The following EYS variants were observed in gnomAD, a reference collection of about 807,000 sequenced individuals.
EYS encodes the protein protein eyes shut homolog.
EYS carries 250 observed loss-of-function variants against 282.1 expected under a neutral mutation model. The ratio of observed to expected loss-of-function variants is 0.89; its 90% CI spans 0.80 to 0.98. The LOEUF is 0.98. EYS is among the 50% of genes least tolerant of loss of function. The pLI is 0.00. For synonymous variants in EYS, 1,355 were observed against 1,282.9 expected (o/e 1.06, Z -1.20); for missense variants, 4,016 against 3,709.0 (o/e 1.08, Z -2.15).
chr6:65,082,997 C>G (rs898466671), intron 12 of EYS, among the ~76,000 whole-genome samples: 1 of 152,006 alleles, frequency 6.6e-6, no homozygotes, highest in African/African-American at 2.4e-5. Context: ...AAATACTATA[C>G]TATCTTTCAA....
intron 29 of EYS, among the ~76,000 whole-genome samples, chr6:64,349,958 A>G (rs1384186916): frequency 6.6e-6 from 1 of 151,450 alleles, no homozygotes; most frequent in East Asian, 2.0e-4. Flanking sequence ...ATTTCTATTT[A>G]TTTATTTTTT....
intron 13 of EYS, among the ~76,000 whole-genome samples, chr6:65,034,277 G>T (rs554144617): frequency 6.6e-6 from 1 of 152,276 alleles, no homozygotes; most frequent in South Asian, 2.1e-4. Flanking sequence ...TGTACTTTGA[G>T]TTAATGAAAT....
chr6:63,725,045 T>C (rs1561996045), intron 42 of EYS, among the ~76,000 whole-genome samples: 2 of 152,274 alleles, frequency 1.3e-5, no homozygotes, highest in East Asian at 3.8e-4. Context: ...AAAAAATAAG[T>C]TTATGCCTTT....
intron 31 of EYS, among the ~76,000 whole-genome samples, chr6:64,210,181 T>C (rs1255613373): frequency 6.6e-6 from 1 of 152,242 alleles, no homozygotes; most frequent in Non-Finnish European, 1.5e-5. Flanking sequence ...TTCATATCAC[T>C]ATGGAAAATC....
chr6:64,872,156 T>C (rs1221712175), intron 19 of EYS, among the ~76,000 whole-genome samples: 2 of 152,022 alleles, frequency 1.3e-5, no homozygotes, highest in Admixed American at 1.3e-4. Flanking sequence ...AGGGAGAGTG[T>C]ATGTCCCATC....
chr6:64,200,604 C>G (rs541872288), intron 31 of EYS, among the ~76,000 whole-genome samples: 1 of 152,100 alleles, frequency 6.6e-6, no homozygotes, highest in Non-Finnish European at 1.5e-5. Context: ...GTGTCAGACT[C>G]AGAGTTCATT....
At chr6:63,906,229 T>C (rs1191731473) in intron 35 of EYS, among the ~76,000 whole-genome samples, 3 of 152,236 alleles carry the variant, frequency 2.0e-5, no homozygotes, top group African/African-American at 7.2e-5. Flanking sequence ...GCCATAAAGT[T>C]TTAGTAATTC....
At chr6:64,583,422 GCAAA>G (rs201368403) in intron 26 of EYS, among the ~76,000 whole-genome samples, 2,887 of 152,096 alleles carry the variant, frequency 0.019, 203 homozygotes, top group Admixed American at 0.14. Context: ...AAGCAAGCAG[GCAAA>G]CAAACAAACA....
At chr6:65,269,094 G>T (rs1449587581) in intron 12 of EYS, among the ~76,000 whole-genome samples, 1 of 151,784 alleles carries the variant, frequency 6.6e-6, no homozygotes, top group Non-Finnish European at 1.5e-5. Context: ...TTGACTCTAG[G>T]CTCTGTTTGT....
At chr6:65,145,171 T>C (rs915250578) in intron 12 of EYS, among the ~76,000 whole-genome samples, 3 of 152,048 alleles carry the variant, frequency 2.0e-5, no homozygotes, top group Admixed American at 6.6e-5. Context: ...CATTGGAAAA[T>C]TGTTCACAGA....
chr6:64,314,539 C>T (rs1769861031), intron 29 of EYS, among the ~76,000 whole-genome samples: 1 of 152,020 alleles, frequency 6.6e-6, no homozygotes, highest in Non-Finnish European at 1.5e-5. Flanking sequence ...GGAAGTAAAA[C>T]ACTCCTCAGC....
At chr6:65,559,499 A>G (rs1768949791) in intron 2 of EYS, among the ~76,000 whole-genome samples, 2 of 152,010 alleles carry the variant, frequency 1.3e-5, no homozygotes, top group Admixed American at 1.3e-4. Flanking sequence ...CCACATATTC[A>G]CTCCCCAAGA....
chr6:64,083,670 G>A (rs539101319), intron 31 of EYS, among the ~76,000 whole-genome samples: 2 of 152,200 alleles, frequency 1.3e-5, no homozygotes, highest in Non-Finnish European at 1.5e-5. Context: ...TCATGGTAGG[G>A]ATGCCAGATA....
chr6:64,770,705 T>C (rs1419979879), intron 22 of EYS, among the ~76,000 whole-genome samples: 5 of 151,920 alleles, frequency 3.3e-5, no homozygotes, highest in South Asian at 2.1e-4. Context: ...AAATGCATCA[T>C]ATTTCTAGGT....
intron 22 of EYS, among the ~76,000 whole-genome samples, chr6:64,704,301 AT>A (rs1770897187): frequency 7.3e-6 from 1 of 137,206 alleles, no homozygotes; most frequent in South Asian, 2.4e-4. Flanking sequence ...AATACTATAT[AT>A]TTATATGTAT....
intron 2 of EYS, among the ~76,000 whole-genome samples, chr6:65,629,661 C>G (rs1268105328): frequency 1.3e-5 from 2 of 152,028 alleles, no homozygotes; most frequent in Non-Finnish European, 2.9e-5. Flanking sequence ...CTTTAAAAAC[C>G]CTACCCTCAA....
In EYS at chr6:65,622,755, C is replaced by CT. The variant is rs35201653; in HGVS notation, c.-333+17022dup. 9.9e-3 allele frequency among the ~76,000 whole-genome samples: 1,416 copies of CT among 143,104 alleles called. 22 individuals carry two copies. Among genetic ancestry groups the CT allele is most frequent in the African/African-American group, 0.032 (1,217 of 38,438 alleles). The allele number at this position is 143,104 out of a possible 152,430, so 93.9% of individuals were successfully genotyped here. On this transcript the variant is annotated intron_variant, in intron 2 of 42. Coordinates refer to ENST00000503581, the MANE Select transcript of EYS (RefSeq NM_001142800.2). ...CTCTTACTATATAGGAATAATCTTTCTTTTTTTTTTTTTTCTGGTTTTGAA... is the reference window on the plus strand; with the variant it reads ...CTCTTACTATATAGGAATAATCTTTCTTTTTTTTTTTTTTTCTGGTTTTGAA...
intron 5 of EYS, among the ~76,000 whole-genome samples, chr6:65,444,168 T>G (rs1697684284): frequency 6.6e-6 from 1 of 152,002 alleles, no homozygotes; most frequent in Non-Finnish European, 1.5e-5. Flanking sequence ...ATATTCCCAT[T>G]GTACACTAGA....
intron 36 of EYS, among the ~76,000 whole-genome samples, chr6:63,827,490 C>T (rs1045006421): frequency 6.6e-6 from 1 of 152,180 alleles, no homozygotes; most frequent in African/African-American, 2.4e-5. Flanking sequence ...AGTTCTGGAA[C>T]TTTCTCCAGG....
Sources: gnomAD v4.1 joint callset for allele counts (sites outside exome capture counted in the v4.1 genomes callset) on GRCh38, gnomAD v4.1.1 for gene constraint, MANE v1.5 for transcripts, NCBI Gene and HGNC (gene_info 2026-07-23, HGNC 2026-07-21) for gene names.